The following PTBP2 variants were observed in gnomAD, a reference collection of about 807,000 sequenced individuals.
The protein encoded by PTBP2 is polypyrimidine tract binding protein 2.
Under a neutral mutation model 61.4 loss-of-function variants are expected in PTBP2, and 13 were observed. The ratio of observed to expected loss-of-function variants is 0.21; its 90% confidence interval spans 0.14 to 0.34. The LOEUF (loss-of-function observed/expected upper bound fraction) is 0.34, where lower values mean the gene tolerates loss of function less well. Among genes scored for constraint, PTBP2 ranks in the 10% least tolerant of loss-of-function variants. The pLI is 1.00. For synonymous variants in PTBP2, 215 were observed against 218.5 expected (o/e 0.98, Z 0.14); for missense variants, 405 against 642.6 (o/e 0.63, Z 4.00).
rs201945838 is a variant in PTBP2, at chr1:96,813,014, A to G, written c.1389-15A>G. ...TTCTTAATCTTCACTTTTTCTTCCC[A>G]TTCAATTTTCCTAGTCCATCAGTAG... On this transcript the variant is annotated splice_polypyrimidine_tract_variant and intron_variant, in intron 12 of 13. Transcript: ENST00000674951. 157 of 1,607,438 alleles carry G rather than the reference A, an allele frequency of 9.8e-5. No individual in the cohort carries two copies. Among genetic ancestry groups the G allele is most frequent in the Non-Finnish European group, 1.2e-4 (140 of 1,174,400 alleles).
intron 7 of PTBP2, among the ~76,000 whole-genome samples, chr1:96,781,881 A>C (rs888301276): frequency 6.6e-6 from 1 of 152,002 alleles, no homozygotes; most frequent in African/African-American, 2.4e-5. Context: ...ACACCTTAAT[A>C]CCTTTCAGAA....
intron 8 of PTBP2, among the ~76,000 whole-genome samples, chr1:96,792,516 G>A (rs573612043): frequency 3.3e-5 from 5 of 152,132 alleles, no homozygotes; most frequent in Middle Eastern, 3.4e-3. Context: ...TTAGCCTGTC[G>A]TCTTCTCACC....
chr1:96,746,702 GAAAAA>G (rs34663964), intron 2 of PTBP2, among the ~76,000 whole-genome samples: 3 of 111,866 alleles, frequency 2.7e-5, no homozygotes, highest in East Asian at 2.6e-4. Flanking sequence ...GACTTTGTCT[GAAAAA>G]AAAAAAAAAA....
At chr1:96,820,362 A>C (rs1662645144) in exon 14 of PTBP2, 1 of 152,134 alleles carries the variant, frequency 6.6e-6, no homozygotes, top group Non-Finnish European at 1.5e-5. Flanking sequence ...AGCTGGTTCT[A>C]TTAGACATTG....
chr1:96,769,756 C>T lies in PTBP2; in HGVS notation c.169C>T (p.Pro57Ser). The T allele has an allele frequency of 6.2e-7, 1 of 1,609,094 alleles. No individual in the cohort carries two copies. The highest frequency in any genetic ancestry group is 1.1e-5 in the South Asian group (1 of 90,360). ...FKGEDKMDGA[P>S]SRVLHIRKLP... ...AGGAGAAGATAAAATGGATGGTGCT[C>T]CTTCTCGTGTACTTCATATTCGAAA... is the stretch of plus-strand genomic sequence containing the variant. The change falls in exon 4 of 14, where the codon CCT (proline) becomes TCT (serine). Residue 57 changes from proline to serine, a missense_variant. Physicochemically the swap from Pro to Ser is moderately conservative, Grantham distance 74. Around this residue, in one of 4 missense-constraint regions of PTBP2, gnomAD observed 342 missense variants for 491.2 expected, o/e 0.70. Transcript: ENST00000674951.
intron 1 of PTBP2, 148 bp from the exon 2 acceptor site, chr1:96,723,416 G>A (rs1199959391): frequency 1.8e-6 from 1 of 555,576 alleles, no homozygotes; most frequent in Middle Eastern, 3.2e-4. Flanking sequence ...GGTAAGTCAC[G>A]GATCATCTGT....
At chr1:96,741,338 G>A (rs959468559) in intron 2 of PTBP2, among the ~76,000 whole-genome samples, 1 of 152,046 alleles carries the variant, frequency 6.6e-6, no homozygotes, top group African/African-American at 2.4e-5. Flanking sequence ...CACAGTCACT[G>A]CAGTCTTGAC....
intron 3 of PTBP2, among the ~76,000 whole-genome samples, chr1:96,768,536 T>C (rs1657010046): frequency 6.6e-6 from 1 of 152,022 alleles, no homozygotes; most frequent in Non-Finnish European, 1.5e-5. Context: ...CTCAGAAATA[T>C]CCTTGAGATC....
chr1:96,818,867 CAT>C (rs941849871), downstream of PTBP2: 1 of 152,000 alleles, frequency 6.6e-6, no homozygotes, highest in African/African-American at 2.4e-5. Context: ...AGTTTAGCAA[CAT>C]ATTTATTGTA....
At chr1:96,805,531 C>T (rs1386965143) in intron 9 of PTBP2, among the ~76,000 whole-genome samples, 1 of 151,780 alleles carries the variant, frequency 6.6e-6, no homozygotes, top group African/African-American at 2.4e-5. Flanking sequence ...CCCCCTCCAC[C>T]CAGTTAAATA....
chr1:96,820,695 TAA>T (rs1228632789), exon 14 of PTBP2: 1 of 152,094 alleles, frequency 6.6e-6, no homozygotes, highest in Non-Finnish European at 1.5e-5. Flanking sequence ...TTTTTCAAGA[TAA>T]AGTCATTTAT....
At position 96,769,872 on chromosome 1, in the gene PTBP2, T is replaced by C; in HGVS notation, c.285T>C (p.Asn95=). ...VTNILMLKGK[N]QAFLELATEE... ...ACATCCTTATGCTGAAAGGAAAAAA[T>C]CAGGTACACTTCTTTCAGGGTTTAT... is the stretch of plus-strand genomic sequence containing the variant. The change falls in exon 4 of 14, where the codon AAT becomes AAC. Residue 95 remains asparagine, a synonymous_variant. Coordinates refer to ENST00000674951, the MANE Select transcript of PTBP2 (RefSeq NM_021190.4). 1 of 1,584,852 alleles carries C rather than the reference T, an allele frequency of 6.3e-7. No homozygotes were observed. The highest frequency in any genetic ancestry group is 8.6e-7 in the Non-Finnish European group (1 of 1,166,988).
At chr1:96,810,300 T>C (rs1472831293) in intron 11 of PTBP2, among the ~76,000 whole-genome samples, 1 of 152,224 alleles carries the variant, frequency 6.6e-6, no homozygotes, top group Non-Finnish European at 1.5e-5. Flanking sequence ...TCACATTGTT[T>C]AAAATTTTAT....
intron 6 of PTBP2, 34 bp downstream of exon 6, chr1:96,777,783 G>A: frequency 6.5e-7 from 1 of 1,541,408 alleles, no homozygotes; most frequent in South Asian, 1.2e-5. Context: ...CTATAAATTA[G>A]AGAAATAATA....
At chr1:96,768,009 C>T (rs1199330405) in intron 3 of PTBP2, among the ~76,000 whole-genome samples, 3 of 152,046 alleles carry the variant, frequency 2.0e-5, no homozygotes, top group African/African-American at 4.8e-5. Context: ...AAGTGAAACT[C>T]CTAGAGTAAA....
At chr1:96,787,466 C>G (rs958077847) in intron 8 of PTBP2, among the ~76,000 whole-genome samples, 5 of 152,152 alleles carry the variant, frequency 3.3e-5, no homozygotes, top group Admixed American at 1.3e-4. Flanking sequence ...TTCTTCATCT[C>G]TGCCTCATAA....
downstream of PTBP2, chr1:96,815,324 TG>T: frequency 6.6e-6 from 1 of 152,250 alleles, no homozygotes; most frequent in Non-Finnish European, 1.5e-5. Flanking sequence ...GACTACCTTG[TG>T]AGTTAACAAA....
At chr1:96,761,348 G>A (rs1001693323) in intron 3 of PTBP2, among the ~76,000 whole-genome samples, 95 of 65,232 alleles carry the variant, frequency 1.5e-3, no homozygotes, top group African/African-American at 8.0e-3. Flanking sequence ...GGGATTTGAT[G>A]TGTGTGTGTG....
At chr1:96,763,919 TTA>T (rs1656352534) in intron 3 of PTBP2, among the ~76,000 whole-genome samples, 1 of 152,204 alleles carries the variant, frequency 6.6e-6, no homozygotes, top group Admixed American at 6.5e-5. Flanking sequence ...AAATTGGTGA[TTA>T]TATTTGCCTG....
Sources: gnomAD v4.1 joint callset for allele counts (sites outside exome capture counted in the v4.1 genomes callset) on GRCh38, gnomAD v4.1.1 for gene constraint, gnomAD v4.1.1 regional missense constraint, MANE v1.5 for transcripts, NCBI Gene and HGNC (gene_info 2026-07-23, HGNC 2026-07-21) for gene names.